LRRK1: variants seen among roughly 807,000 people sequenced by gnomAD.
The protein encoded by LRRK1 is leucine-rich repeat serine/threonine-protein kinase 1.
Under a neutral mutation model 209.1 loss-of-function variants are expected in LRRK1, and 113 were observed. The ratio of observed to expected loss-of-function variants is 0.54; its 90% CI spans 0.46 to 0.63. LRRK1 has a LOEUF of 0.63. LRRK1 is among the 30% of genes least tolerant of loss of function. The pLI, the probability that LRRK1 is intolerant of heterozygous loss-of-function variation, is 0.00. For synonymous variants in LRRK1, 1,144 were observed against 1,099.7 expected (o/e 1.04, Z -0.80); for missense variants, 2,284 against 2,632.2 (o/e 0.87, Z 2.89).
chr15:100,963,987 A>T (rs1450124060), intron 2 of LRRK1, among the ~76,000 whole-genome samples: 4 of 152,164 alleles, frequency 2.6e-5, no homozygotes, highest in Admixed American at 2.6e-4. Context: ...ATAACCATCC[A>T]TCTCCCTCTT....
At chr15:100,930,366 C>G (rs555947168) in intron 2 of LRRK1, among the ~76,000 whole-genome samples, 2 of 152,158 alleles carry the variant, frequency 1.3e-5, no homozygotes, top group Non-Finnish European at 2.9e-5. Context: ...AATTATTAGG[C>G]CATACACACC....
chr15:100,974,043 C>G, intron 3 of LRRK1, 76 bp downstream of exon 3: 1 of 1,172,584 alleles, frequency 8.5e-7, no homozygotes, highest in Non-Finnish European at 1.1e-6. Context: ...ATGATTTTCT[C>G]GTTATTGTCA....
chr15:100,933,453 G>A (rs2042244370), intron 2 of LRRK1, among the ~76,000 whole-genome samples: 2 of 151,982 alleles, frequency 1.3e-5, no homozygotes, highest in South Asian at 2.1e-4. Flanking sequence ...TTGTTTTTCT[G>A]GAACTCCTAT....
chr15:100,942,606 T>G (rs1341604261), intron 2 of LRRK1, among the ~76,000 whole-genome samples: 1 of 152,236 alleles, frequency 6.6e-6, no homozygotes, highest in Admixed American at 6.5e-5. Flanking sequence ...TCATCAAAAT[T>G]AAAGCTGTTT....
intron 31 of LRRK1, 39 bp from the exon 32 acceptor site, chr15:101,065,313 A>G: frequency 1.3e-6 from 2 of 1,593,318 alleles, no homozygotes; most frequent in Non-Finnish European, 8.5e-7. Context: ...GAATGTGTGA[A>G]ATGGAAGGAT....
At chr15:100,995,741 T>TA (rs1412604753) in intron 6 of LRRK1, among the ~76,000 whole-genome samples, 3 of 152,210 alleles carry the variant, frequency 2.0e-5, no homozygotes, top group Non-Finnish European at 2.9e-5. Context: ...GTTCAGCAGT[T>TA]AGAGGGCCAG....
At chr15:100,931,193 T>C (rs2042205510) in intron 2 of LRRK1, among the ~76,000 whole-genome samples, 1 of 152,246 alleles carries the variant, frequency 6.6e-6, no homozygotes, top group African/African-American at 2.4e-5. Flanking sequence ...TTTTCAACTG[T>C]AAAGAACTTT....
chr15:101,012,654 C>G (rs941645288), intron 10 of LRRK1, among the ~76,000 whole-genome samples: 321 of 6,068 alleles, frequency 0.053, 2 homozygotes, highest in Non-Finnish European at 0.35. Flanking sequence ...CCAGGCCACC[C>G]TGCACAGGCT....
Position 100,983,597 on chromosome 15 carries a change from C to T in LRRK1, c.331C>T (p.Leu111=). The T allele has an allele frequency of 6.2e-7, 1 of 1,612,284 alleles. No individual in the cohort carries two copies. The change falls in exon 4 of 34, where the codon CTG becomes TTG. Residue 111 remains leucine (L), a synonymous_variant. Transcript: ENST00000388948. Reference sequence around the variant, plus strand: ...GGTCCGCTACCTACTCAGCAAGAGACTGGTGGAGCTGCCCACCGAGCCCAC... The same window carrying T: ...GGTCCGCTACCTACTCAGCAAGAGATTGGTGGAGCTGCCCACCGAGCCCAC... The part of the protein sequence containing the change: ...EMVRYLLSKR[L]VELPTEPTDD...
At chr15:100,950,202 A>G (rs2042618390) in intron 2 of LRRK1, among the ~76,000 whole-genome samples, 1 of 149,502 alleles carries the variant, frequency 6.7e-6, no homozygotes, top group Admixed American at 6.7e-5. Flanking sequence ...ATGAATTATC[A>G]CTTAACAATC....
At chr15:100,951,985 T>TAAA (rs2042663871) in intron 2 of LRRK1, among the ~76,000 whole-genome samples, 2 of 149,936 alleles carry the variant, frequency 1.3e-5, no homozygotes, top group Non-Finnish European at 3.0e-5. Flanking sequence ...ATAATAATAA[T>TAAA]AAAATAATAG....
chr15:101,043,946 C>G (rs1180962235), intron 20 of LRRK1: 1 of 152,136 alleles, frequency 6.6e-6, no homozygotes, highest in African/African-American at 2.4e-5. Context: ...CCAAGACATC[C>G]AGTATTGACA....
intron 6 of LRRK1, among the ~76,000 whole-genome samples, chr15:100,994,107 C>A (rs1166716776): frequency 1.3e-5 from 2 of 152,216 alleles, no homozygotes; most frequent in Admixed American, 6.5e-5. Flanking sequence ...CAAGCACTTT[C>A]TTAACTAATT....
At position 101,046,003 on chromosome 15, in the gene LRRK1, C is replaced by T; in HGVS notation, c.2986C>T (p.Pro996Ser). ...CAGCTACCTCCTGCCCCATCTCCTT[C>T]CATCTAAACCTGGCCTGGACACCCA... is the stretch of plus-strand genomic sequence containing the variant. Reference protein sequence around the residue: ...NDSYLLPHLLPSKPGLDTHGM... With the variant: ...NDSYLLPHLLSSKPGLDTHGM... The change falls in exon 21 of 34, where the codon CCA becomes TCA. Residue 996 changes from proline (P) to serine (S), a missense_variant. Physicochemically the swap from Pro to Ser is moderately conservative, Grantham distance 74 (BLOSUM62 -1). Coordinates refer to ENST00000388948, the MANE Select transcript of LRRK1 (RefSeq NM_024652.6). 1 of 1,614,158 alleles carries T rather than the reference C, an allele frequency of 6.2e-7. No homozygotes were observed. Among genetic ancestry groups the T allele is most frequent in the Non-Finnish European group, 8.5e-7 (1 of 1,179,992 alleles).
intron 2 of LRRK1, among the ~76,000 whole-genome samples, chr15:100,954,253 C>T (rs368862518): frequency 6.6e-6 from 1 of 152,092 alleles, no homozygotes; most frequent in Non-Finnish European, 1.5e-5. Flanking sequence ...GATGATTAGA[C>T]GTGCCGACAA....
chr15:101,057,187 T>C (rs988267192), intron 28 of LRRK1, 137 bp downstream of exon 28: 12 of 678,754 alleles, frequency 1.8e-5, no homozygotes, highest in East Asian at 2.9e-5. Context: ...TAGAGGGTGA[T>C]GTTTGCTGCT....
chr15:100,938,495 G>A (rs1215705025), intron 2 of LRRK1, among the ~76,000 whole-genome samples: 3 of 151,830 alleles, frequency 2.0e-5, no homozygotes, highest in African/African-American at 2.4e-5. Flanking sequence ...TTGTTAACTC[G>A]ATTCCCCCTC....
chr15:100,937,597 C>T (rs1045288232), intron 2 of LRRK1, among the ~76,000 whole-genome samples: 8 of 150,488 alleles, frequency 5.3e-5, no homozygotes, highest in Admixed American at 3.3e-4. Context: ...TGCAGTGGCG[C>T]GATCTCAGCT....
At chr15:100,961,627 T>C (rs1203975185) in intron 2 of LRRK1, among the ~76,000 whole-genome samples, 3 of 141,996 alleles carry the variant, frequency 2.1e-5, no homozygotes, top group African/African-American at 8.0e-5. Flanking sequence ...CACTCCAGCC[T>C]AGCAACAGAG....
Sources: gnomAD v4.1 joint callset for allele counts (sites outside exome capture counted in the v4.1 genomes callset) on GRCh38, gnomAD v4.1.1 for gene constraint, MANE v1.5 for transcripts, NCBI Gene and HGNC (gene_info 2026-07-23, HGNC 2026-07-21) for gene names.